The following SV2C variants were observed in gnomAD, a reference collection of about 807,000 sequenced individuals.
SV2C encodes the protein solute carrier family 22 member B3.
Under a neutral mutation model 79.7 loss-of-function variants are expected in SV2C, and 49 were observed. The observed-to-expected ratio is 0.61, with a 90% CI of 0.49 to 0.78. The LOEUF (loss-of-function observed/expected upper bound fraction) is 0.78. Ranked by LOEUF, SV2C falls within the 30% of genes least tolerant of loss-of-function variation. The pLI is 0.00. For missense variants in SV2C, 833 were observed against 912.9 expected, an observed-to-expected ratio of 0.91 and a Z score of 1.13; for synonymous variants, 334 against 333.2, an observed-to-expected ratio of 1.00 and a Z score of -0.03.
exon 13 of SV2C, chr5:76,353,800 C>T (rs1749687466): frequency 6.6e-6 from 1 of 152,186 alleles, no homozygotes; most frequent in Non-Finnish European, 1.5e-5. Flanking sequence ...TAAAATGTCC[C>T]TCTGCCCCAC....
At chr5:76,259,146 A>T (rs764235455) in intron 4 of SV2C, among the ~76,000 whole-genome samples, 23 of 152,178 alleles carry the variant, frequency 1.5e-4, no homozygotes, top group Non-Finnish European at 2.8e-4. Flanking sequence ...GAAAATTCTC[A>T]TACCTGTCTT....
chr5:75,981,663 A>G, the SV2C span, among the ~76,000 whole-genome samples: 1 of 152,184 alleles, frequency 6.6e-6, no homozygotes, highest in Non-Finnish European at 1.5e-5. Flanking sequence ...TGCACTAGCC[A>G]TGTGCAGAGG....
At chr5:76,125,343 C>G (rs1175049632) in intron 1 of SV2C, among the ~76,000 whole-genome samples, 1 of 152,062 alleles carries the variant, frequency 6.6e-6, no homozygotes, top group Non-Finnish European at 1.5e-5. Flanking sequence ...TGTAGATTTT[C>G]TGCCTTTTAT....
chr5:75,972,383 A>G, the SV2C span, among the ~76,000 whole-genome samples: 1 of 152,150 alleles, frequency 6.6e-6, no homozygotes, highest in East Asian at 1.9e-4. Flanking sequence ...CATCAGAGTG[A>G]ACAGGCAACC....
At chr5:75,861,223 G>GA in the SV2C span, among the ~76,000 whole-genome samples, 1 of 151,972 alleles carries the variant, frequency 6.6e-6, no homozygotes, top group Non-Finnish European at 1.5e-5. Context: ...TAACAAACAT[G>GA]AAAAAATGAT....
At chr5:76,159,182 T>A (rs1400050889) in intron 2 of SV2C, among the ~76,000 whole-genome samples, 1 of 152,110 alleles carries the variant, frequency 6.6e-6, no homozygotes, top group Non-Finnish European at 1.5e-5. Context: ...CATACTTGAT[T>A]GGAAAAGAGT....
the SV2C span, among the ~76,000 whole-genome samples, chr5:76,062,722 GA>G: frequency 6.6e-6 from 1 of 151,992 alleles, no homozygotes; most frequent in African/African-American, 2.4e-5. Context: ...AGTGAAATAA[GA>G]AAGGCTCTTT....
chr5:76,077,929 T>C, the SV2C span, among the ~76,000 whole-genome samples: 2 of 152,082 alleles, frequency 1.3e-5, no homozygotes, highest in Admixed American at 6.5e-5. Flanking sequence ...GGTCCAAGGA[T>C]TGTACTGGTT....
intron 2 of SV2C, among the ~76,000 whole-genome samples, chr5:76,135,897 C>T (rs987197866): frequency 5.3e-5 from 8 of 152,182 alleles, no homozygotes; most frequent in Non-Finnish European, 1.2e-4. Context: ...CAGCCCTACC[C>T]CGACTCTAGT....
chr5:76,250,584 C>T (rs1459161872), intron 4 of SV2C, among the ~76,000 whole-genome samples: 1 of 152,208 alleles, frequency 6.6e-6, no homozygotes, highest in Non-Finnish European at 1.5e-5. Context: ...GACACTCTTC[C>T]TCTTTGAGTC....
chr5:76,139,638 A>G (rs1237291078), intron 2 of SV2C, among the ~76,000 whole-genome samples: 1 of 152,142 alleles, frequency 6.6e-6, no homozygotes, highest in Non-Finnish European at 1.5e-5. Flanking sequence ...GCATCCTGGG[A>G]GACCTACTTG....
chr5:75,865,089 T>A, the SV2C span, among the ~76,000 whole-genome samples: 1 of 152,162 alleles, frequency 6.6e-6, no homozygotes, highest in Admixed American at 6.5e-5. Flanking sequence ...TAACACACTT[T>A]CTGGGAAACA....
At chr5:75,882,454 C>A in the SV2C span, among the ~76,000 whole-genome samples, 1 of 151,164 alleles carries the variant, frequency 6.6e-6, no homozygotes, top group African/African-American at 2.5e-5. Flanking sequence ...CAATCCTAAG[C>A]CAAAAGAACA....
At chr5:76,300,307 C>T (rs1747943900) in intron 10 of SV2C, among the ~76,000 whole-genome samples, 1 of 151,812 alleles carries the variant, frequency 6.6e-6, no homozygotes, top group African/African-American at 2.4e-5. Context: ...AGGCACCACA[C>T]CCAGCCCATG....
the SV2C span, among the ~76,000 whole-genome samples, chr5:75,954,454 A>C: frequency 6.6e-6 from 1 of 151,978 alleles, no homozygotes; most frequent in Non-Finnish European, 1.5e-5. Flanking sequence ...ATGGGCAAAA[A>C]CTGGAAGCAT....
the SV2C span, among the ~76,000 whole-genome samples, chr5:75,870,411 GC>G: frequency 6.6e-6 from 1 of 151,698 alleles, no homozygotes; most frequent in African/African-American, 2.4e-5. Context: ...AATTGATCAA[GC>G]AGAAGAATGA....
At chr5:76,249,427 G>A (rs1174565326) in intron 4 of SV2C, among the ~76,000 whole-genome samples, 1 of 152,150 alleles carries the variant, frequency 6.6e-6, no homozygotes, top group Non-Finnish European at 1.5e-5. Context: ...ACCATGTGAA[G>A]TAAATTGGAA....
chr5:75,980,487 C>G, the SV2C span, among the ~76,000 whole-genome samples: 2 of 152,074 alleles, frequency 1.3e-5, no homozygotes, highest in Non-Finnish European at 2.9e-5. Context: ...CAAACCAAAT[C>G]GAACAGCACA....
chr5:75,898,569 G>T, the SV2C span, among the ~76,000 whole-genome samples: 1 of 152,182 alleles, frequency 6.6e-6, no homozygotes, highest in Non-Finnish European at 1.5e-5. Flanking sequence ...GTATCAGGAT[G>T]ATGCTGGCCT....
Sources: gnomAD v4.1 joint callset for allele counts (sites outside exome capture counted in the v4.1 genomes callset) on GRCh38, gnomAD v4.1.1 for gene constraint, MANE v1.5 for transcripts, NCBI Gene and HGNC (gene_info 2026-07-23, HGNC 2026-07-21) for gene names.